PTPRA: variants seen among roughly 807,000 people sequenced by gnomAD.
PTPRA encodes the protein protein tyrosine phosphatase receptor type A, also known as receptor-type tyrosine-protein phosphatase alpha.
In PTPRA, 25 loss-of-function variants were observed where a neutral mutation model predicts 104.8. The observed-to-expected ratio is 0.24, with a 90% CI of 0.17 to 0.33. PTPRA has a LOEUF of 0.33. Ranked by LOEUF, PTPRA falls within the 10% of genes least tolerant of loss-of-function variation. The probability of loss-of-function intolerance (pLI) is 1.00; values close to 1 mark genes in which losing one functional copy is unlikely to be tolerated. For missense variants in PTPRA, 765 were observed against 1,015.3 expected (o/e 0.75, Z 3.35); for synonymous variants, 323 against 368.9 (o/e 0.88, Z 1.43).
Position 3,026,839 on chromosome 20 carries a change from C to G in PTPRA, c.1708+59C>G, listed in dbSNP as rs558158268. ...GCCCCATCCCTCAATTCCCTCCACC[C>G]CTTCCATTTCTCAGGTACTAGTTAA... On this transcript the variant is annotated intron_variant, in intron 18 of 23. Coordinates refer to ENST00000399903, the MANE Select transcript of PTPRA (RefSeq NM_001385305.1). 3.2e-5 allele frequency: 45 copies of G among 1,395,862 alleles called. No individual in the cohort carries two copies. In the Admixed American group the frequency reaches 6.6e-4, roughly 20 times the overall value. The allele number at this position is 1,395,862 out of a possible 1,614,324, so 86.5% of individuals were successfully genotyped here.
chr20:2,952,200 G>A (rs897452248), intron 3 of PTPRA, among the ~76,000 whole-genome samples: 15 of 151,996 alleles, frequency 9.9e-5, no homozygotes, highest in African/African-American at 3.6e-4. Flanking sequence ...ATGTCTGAGG[G>A]TACTGATTGC....
chr20:2,875,618 G>A (rs2089670035), intron 1 of PTPRA, among the ~76,000 whole-genome samples: 1 of 152,192 alleles, frequency 6.6e-6, no homozygotes, highest in Non-Finnish European at 1.5e-5. Context: ...GGTGCTATAA[G>A]ATTGTGATAA....
intron 8 of PTPRA, 83 bp from the exon 9 acceptor site, chr20:2,988,255 A>G (rs1439580294): frequency 2.6e-6 from 4 of 1,551,710 alleles, no homozygotes; most frequent in Non-Finnish European, 3.5e-6. Context: ...GGCTTGGTCC[A>G]TGAGGTAGAA....
At chr20:2,901,615 T>A (rs76478289) in intron 1 of PTPRA, among the ~76,000 whole-genome samples, 2,347 of 152,252 alleles carry the variant, frequency 0.015, 123 homozygotes, top group Admixed American at 0.09. Flanking sequence ...CTGTTACTTA[T>A]GTTATATTGT....
intron 2 of PTPRA, among the ~76,000 whole-genome samples, chr20:2,945,676 C>T (rs1309545537): frequency 6.6e-6 from 1 of 151,626 alleles, no homozygotes; most frequent in Admixed American, 6.6e-5. Context: ...CACCTGTAAT[C>T]CCAGCACTTT....
chr20:2,897,074 G>A (rs142724467), intron 1 of PTPRA, among the ~76,000 whole-genome samples: 127 of 152,288 alleles, frequency 8.3e-4, no homozygotes, highest in African/African-American at 2.9e-3. Flanking sequence ...TCACTGCATC[G>A]TATCAAGAGG....
intron 1 of PTPRA, among the ~76,000 whole-genome samples, chr20:2,874,238 A>G (rs2089559140): frequency 6.6e-6 from 1 of 151,958 alleles, no homozygotes; most frequent in African/African-American, 2.4e-5. Flanking sequence ...CCCTCTCCCA[A>G]CTGTTGAGGC....
At chr20:2,993,027 T>A (rs1294845948) in intron 9 of PTPRA, among the ~76,000 whole-genome samples, 1 of 152,198 alleles carries the variant, frequency 6.6e-6, no homozygotes, top group Non-Finnish European at 1.5e-5. Context: ...GAGGCTGCAG[T>A]GAGCTGTGAT....
At chr20:2,953,680 T>A (rs920450891) in intron 3 of PTPRA, among the ~76,000 whole-genome samples, 3 of 151,500 alleles carry the variant, frequency 2.0e-5, no homozygotes, top group African/African-American at 7.3e-5. Context: ...TGATCTCGGC[T>A]CACCTCAACC....
intron 5 of PTPRA, among the ~76,000 whole-genome samples, chr20:2,971,277 A>G (rs2062175783): frequency 1.3e-5 from 2 of 152,208 alleles, no homozygotes; most frequent in Non-Finnish European, 2.9e-5. Flanking sequence ...GAGTCTAACT[A>G]TCCAAGAATG....
At chr20:2,866,687 C>A in the PTPRA span, 1 of 1,475,550 alleles carries the variant, frequency 6.8e-7, no homozygotes, top group Non-Finnish European at 9.2e-7. Context: ...GGAGCGGGGG[C>A]ATGGTAGCAG....
At chr20:2,970,432 C>T (rs1325270584) in intron 5 of PTPRA, among the ~76,000 whole-genome samples, 1 of 152,176 alleles carries the variant, frequency 6.6e-6, no homozygotes. Flanking sequence ...AATAACATCT[C>T]AGTGTAAGTT....
chr20:2,955,981 A>G (rs2061522774), intron 3 of PTPRA, among the ~76,000 whole-genome samples: 1 of 152,038 alleles, frequency 6.6e-6, no homozygotes, highest in Non-Finnish European at 1.5e-5. Context: ...ACATTCCCCA[A>G]AACTGGTCAT....
chr20:2,998,911 AAT>A (rs2063511152), intron 9 of PTPRA, among the ~76,000 whole-genome samples: 1 of 134,730 alleles, frequency 7.4e-6, no homozygotes, highest in African/African-American at 2.8e-5. Flanking sequence ...AGAATTAATA[AAT>A]ATGACATATT....
In PTPRA at chr20:2,946,862, T is replaced by A. The variant is rs894121977; in HGVS notation, c.-49-1120T>A. Among the ~76,000 whole-genome samples the A allele has an allele frequency of 4.0e-4, 60 of 150,016 alleles. No individual in the cohort carries two copies. In the South Asian group the frequency reaches 6.5e-3, roughly 16 times the overall value. On this transcript the variant is annotated intron_variant, in intron 2 of 23. Coordinates refer to ENST00000399903, the MANE Select transcript of PTPRA (RefSeq NM_001385305.1). ...GACTCCTTCTCAGAAAAAAAAAAAA[T>A]AATAATAATAAAATAAATAAAAGAA...
chr20:2,867,897 T>C, the PTPRA span, among the ~76,000 whole-genome samples: 1 of 152,256 alleles, frequency 6.6e-6, no homozygotes, highest in African/African-American at 2.4e-5. Flanking sequence ...TTCAAGGAGA[T>C]ATAAGTCAAA....
intron 1 of PTPRA, among the ~76,000 whole-genome samples, chr20:2,914,622 A>C (rs2043771408): frequency 6.6e-6 from 1 of 152,070 alleles, no homozygotes; most frequent in African/African-American, 2.4e-5. Context: ...TACTTAATTG[A>C]TCAATCCCCT....
chr20:2,952,092 C>T (rs1274316736), intron 3 of PTPRA, among the ~76,000 whole-genome samples: 2 of 151,720 alleles, frequency 1.3e-5, no homozygotes, highest in Admixed American at 1.3e-4. Context: ...GGCACTCCAG[C>T]CTGGTGACAG....
intron 1 of PTPRA, among the ~76,000 whole-genome samples, chr20:2,915,936 T>A (rs1235683459): frequency 6.6e-6 from 1 of 152,220 alleles, no homozygotes. Flanking sequence ...ATTGCATCAC[T>A]GCACTCCAGC....
Sources: gnomAD v4.1 joint callset for allele counts (sites outside exome capture counted in the v4.1 genomes callset) on GRCh38, gnomAD v4.1.1 for gene constraint, MANE v1.5 for transcripts, NCBI Gene and HGNC (gene_info 2026-07-23, HGNC 2026-07-21) for gene names.